Variants in SYT1 observed in about 807,000 individuals in gnomAD.
SYT1 encodes the protein synaptotagmin-1.
Under a neutral mutation model 44.8 loss-of-function variants are expected in SYT1, and 8 were observed. The ratio of observed to expected loss-of-function variants is 0.18; its 90% CI spans 0.10 to 0.32. The LOEUF is 0.32. Among genes scored for constraint, SYT1 ranks in the 10% least tolerant of loss-of-function variants. The pLI, the probability that SYT1 is intolerant of heterozygous loss-of-function variation, is 1.00. For synonymous variants in SYT1, 154 were observed against 188.8 expected, an observed-to-expected ratio of 0.82 and a Z score of 1.51; for missense variants, 286 against 509.3, an observed-to-expected ratio of 0.56 and a Z score of 4.22.
At chr12:78,893,048 A>G (rs1875144100) in intron 1 of SYT1, among the ~76,000 whole-genome samples, 1 of 151,822 alleles carries the variant, frequency 6.6e-6, no homozygotes, top group South Asian at 2.1e-4. Context: ...ATATTTACCA[A>G]TCTCCACTAG....
chr12:78,873,299 T>C (rs1379949076), intron 1 of SYT1, among the ~76,000 whole-genome samples: 1 of 151,738 alleles, frequency 6.6e-6, no homozygotes, highest in African/African-American at 2.4e-5. Context: ...AGAACTAGTT[T>C]GCTTTTGCTT....
intron 9 of SYT1, among the ~76,000 whole-genome samples, chr12:79,377,514 C>CA (rs1884047353): frequency 6.6e-6 from 1 of 152,084 alleles, no homozygotes; most frequent in Non-Finnish European, 1.5e-5. Flanking sequence ...AGTGACAGGA[C>CA]AAAATATAAA....
intron 3 of SYT1, among the ~76,000 whole-genome samples, chr12:79,056,348 A>C (rs945559266): frequency 1.3e-5 from 2 of 152,070 alleles, no homozygotes; most frequent in African/African-American, 4.8e-5. Flanking sequence ...GGAGGAGTCC[A>C]TCAGGAGCCC....
At chr12:79,153,919 G>A (rs781746606) in intron 3 of SYT1, among the ~76,000 whole-genome samples, 10 of 152,014 alleles carry the variant, frequency 6.6e-5, no homozygotes, top group Non-Finnish European at 1.3e-4. Context: ...TAATAATGTT[G>A]TCTCTATTTT....
At chr12:79,050,270 A>G (rs1874377787) in intron 3 of SYT1, among the ~76,000 whole-genome samples, 1 of 152,074 alleles carries the variant, frequency 6.6e-6, no homozygotes, top group African/African-American at 2.4e-5. Flanking sequence ...GGATCATCAT[A>G]AAGGTCTCCA....
At chr12:79,204,778 C>CAT (rs1874001714) in intron 3 of SYT1, among the ~76,000 whole-genome samples, 1 of 16,452 alleles carries the variant, frequency 6.1e-5, no homozygotes, top group Non-Finnish European at 1.1e-4. Flanking sequence ...CCTGTTGTAA[C>CAT]TTTTTTTTTT....
At chr12:79,041,742 T>A (rs1413093508) in intron 2 of SYT1, among the ~76,000 whole-genome samples, 2 of 151,020 alleles carry the variant, frequency 1.3e-5, no homozygotes, top group African/African-American at 2.4e-5. Context: ...GCCCATTCAG[T>A]ATGATATTGG....
Position 79,270,003 on chromosome 12 carries a change from G to A in SYT1, c.167-15784G>A, listed in dbSNP as rs139702428. Among the ~76,000 whole-genome samples, 595 of 152,224 alleles carry A rather than the reference G, an allele frequency of 3.9e-3. 5 individuals carry two copies. The highest frequency in any genetic ancestry group is 7.2e-3 in the Non-Finnish European group (487 of 68,002). On this transcript the variant is annotated intron_variant, in intron 4 of 10. Coordinates refer to ENST00000261205, the MANE Select transcript of SYT1 (RefSeq NM_005639.3). ...CTGTCTCCAGAGGTGGCTAATGAGT[G>A]TATTAATGCACATATTTCCAGAACT...
rs116538322 is a variant in SYT1, at chr12:79,030,434, T to C, written c.-83-16863T>C. On this transcript the variant is annotated intron_variant, in intron 2 of 10. Coordinates refer to ENST00000261205, the MANE Select transcript of SYT1 (RefSeq NM_005639.3). Reference sequence around the variant, plus strand: ...TTTTCTCCTTCATAACTGAAACACTTTTCTCTATCAAAACGCATAGAAAGA... The same window carrying C: ...TTTTCTCCTTCATAACTGAAACACTCTTCTCTATCAAAACGCATAGAAAGA... 2.2e-3 allele frequency among the ~76,000 whole-genome samples: 329 copies of C among 151,208 alleles called. 3 individuals are homozygous for C. The highest frequency in any genetic ancestry group is 7.7e-3 in the African/African-American group (321 of 41,424).
chr12:78,991,333 T>C (rs936088457), intron 2 of SYT1, among the ~76,000 whole-genome samples: 1 of 152,108 alleles, frequency 6.6e-6, no homozygotes, highest in Non-Finnish European at 1.5e-5. Flanking sequence ...CTCTTCCTTA[T>C]TTCTAACTCA....
intron 3 of SYT1, among the ~76,000 whole-genome samples, chr12:79,194,281 G>A (rs898091388): frequency 2.0e-5 from 3 of 151,894 alleles, no homozygotes; most frequent in African/African-American, 4.8e-5. Context: ...AAATATAATT[G>A]TTTTTTACTA....
At chr12:79,162,159 G>T (rs947214353) in intron 3 of SYT1, among the ~76,000 whole-genome samples, 3 of 152,072 alleles carry the variant, frequency 2.0e-5, no homozygotes, top group African/African-American at 7.2e-5. Context: ...GTACAATAAG[G>T]AATGGTGAGA....
intron 3 of SYT1, among the ~76,000 whole-genome samples, chr12:79,206,386 A>C (rs1874128097): frequency 1.3e-5 from 2 of 152,182 alleles, no homozygotes; most frequent in African/African-American, 4.8e-5. Context: ...GTCACCTTTG[A>C]GTGATTTGTT....
chr12:79,160,609 G>T (rs1465792042), intron 3 of SYT1, among the ~76,000 whole-genome samples: 1 of 152,050 alleles, frequency 6.6e-6, no homozygotes, highest in Non-Finnish European at 1.5e-5. Context: ...AAATATAGCA[G>T]TTTAGTTGGA....
chr12:79,395,858 AATAAC>A (rs1884848502), intron 9 of SYT1, among the ~76,000 whole-genome samples: 2 of 152,360 alleles, frequency 1.3e-5, no homozygotes, highest in African/African-American at 2.4e-5. Context: ...ATAAATTTAA[AATAAC>A]ATACTCAGTA....
intron 1 of SYT1, among the ~76,000 whole-genome samples, chr12:78,893,451 T>TA (rs2137077595): frequency 6.6e-6 from 1 of 151,886 alleles, no homozygotes; most frequent in East Asian, 1.9e-4. Context: ...AACATTCTTC[T>TA]ACATCTGTAT....
chr12:79,197,121 C>T (rs1054878581), intron 3 of SYT1, among the ~76,000 whole-genome samples: 3 of 152,172 alleles, frequency 2.0e-5, no homozygotes, highest in Non-Finnish European at 4.4e-5. Flanking sequence ...CTGTGACTCC[C>T]CTTCTATGGG....
At chr12:79,223,487 G>T (rs1336737426) in intron 4 of SYT1, among the ~76,000 whole-genome samples, 5 of 152,298 alleles carry the variant, frequency 3.3e-5, no homozygotes, top group South Asian at 4.1e-4. Flanking sequence ...CACTACAGCA[G>T]GTATGGCACT....
intron 3 of SYT1, among the ~76,000 whole-genome samples, chr12:79,083,989 C>G (rs1313496439): frequency 6.6e-6 from 1 of 152,058 alleles, no homozygotes; most frequent in Non-Finnish European, 1.5e-5. Flanking sequence ...AGCAGTTTGT[C>G]AAGGAGAGAG....
Sources: gnomAD v4.1 joint callset for allele counts (sites outside exome capture counted in the v4.1 genomes callset) on GRCh38, gnomAD v4.1.1 for gene constraint, MANE v1.5 for transcripts, NCBI Gene and HGNC (gene_info 2026-07-23, HGNC 2026-07-21) for gene names.